GPC5: variants seen among roughly 807,000 people sequenced by gnomAD.
GPC5 encodes the protein glypican 5, also known as glypican-5.
GPC5 carries 47 observed loss-of-function variants against 53.9 expected under a neutral mutation model. The observed-to-expected ratio is 0.87, with a 90% CI of 0.69 to 1.11. The LOEUF (loss-of-function observed/expected upper bound fraction) is 1.11, where lower values mean the gene tolerates loss of function less well. GPC5 is among the 50% of genes most tolerant of loss of function. The probability of loss-of-function intolerance (pLI) is 0.00; values close to 1 mark genes in which losing one functional copy is unlikely to be tolerated. For synonymous variants in GPC5, 286 were observed against 263.3 expected (o/e 1.09, Z -0.84); for missense variants, 748 against 713.1 (o/e 1.05, Z -0.56).
At chr13:92,269,492 G>A (rs1371593912) in intron 7 of GPC5, among the ~76,000 whole-genome samples, 4 of 151,872 alleles carry the variant, frequency 2.6e-5, no homozygotes, top group South Asian at 4.2e-4. Flanking sequence ...TGCAACCTCC[G>A]CCTCCCGGGT....
intron 6 of GPC5, among the ~76,000 whole-genome samples, chr13:92,043,450 G>T (rs1157947171): frequency 6.6e-6 from 1 of 152,158 alleles, no homozygotes; most frequent in East Asian, 1.9e-4. Flanking sequence ...AAGAGTGATT[G>T]TAATGGGCCA....
chr13:92,593,349 G>A (rs1253473133), intron 7 of GPC5, among the ~76,000 whole-genome samples: 1 of 151,126 alleles, frequency 6.6e-6, no homozygotes, highest in East Asian at 1.9e-4. Flanking sequence ...AGATGCGTAT[G>A]TAAATTTTGA....
At chr13:91,615,157 T>C (rs1387001314) in intron 2 of GPC5, among the ~76,000 whole-genome samples, 1 of 152,174 alleles carries the variant, frequency 6.6e-6, no homozygotes, top group African/African-American at 2.4e-5. Context: ...AAGATAAAGG[T>C]TCAGTACAGC....
intron 7 of GPC5, among the ~76,000 whole-genome samples, chr13:92,693,480 G>T (rs1887472864): frequency 6.6e-6 from 1 of 152,132 alleles, no homozygotes; most frequent in Admixed American, 6.5e-5. Context: ...ACTGGAAACT[G>T]GAGTAAAGGT....
chr13:91,879,353 G>A lies in GPC5; in HGVS notation c.1281-28584G>A, dbSNP rs190642822. Among the ~76,000 whole-genome samples the A allele has an allele frequency of 2.6e-3, 391 of 152,090 alleles. 3 individuals are homozygous for A. The highest frequency in any genetic ancestry group is 8.9e-3 in the African/African-American group (369 of 41,486). On this transcript the variant is annotated intron_variant, in intron 5 of 7. Coordinates refer to ENST00000377067, the MANE Select transcript of GPC5 (RefSeq NM_004466.6). The stretch of plus-strand genomic sequence containing the variant: ...TATAACTACTTTGCTAAATTTTATC[G>A]GTCATGCATGTTAAATATCATTAAA...
chr13:91,923,947 C>T (rs2039742462), intron 6 of GPC5, among the ~76,000 whole-genome samples: 1 of 152,018 alleles, frequency 6.6e-6, no homozygotes, highest in Non-Finnish European at 1.5e-5. Context: ...TTCACTCTCT[C>T]CTAGTAACTT....
chr13:91,726,681 T>C (rs928524413), intron 3 of GPC5, among the ~76,000 whole-genome samples: 1 of 152,170 alleles, frequency 6.6e-6, no homozygotes, highest in African/African-American at 2.4e-5. Context: ...CTCTATCAAA[T>C]CCATATCCAA....
rs140323135 is a variant in GPC5 at position 91,917,748 on chromosome 13, C to A, written c.1401+9691C>A. 2.0e-4 allele frequency among the ~76,000 whole-genome samples: 30 copies of A among 152,318 alleles called. No individual in the cohort carries two copies. In the East Asian group the frequency reaches 5.0e-3, roughly 26 times the overall value. On this transcript the variant is annotated intron_variant, in intron 6 of 7. Transcript: ENST00000377067. ...GAATCACCTTTACTCCAGTTCCCAA[C>A]AAGTTCCTCATCTCCACATGAGACC...
intron 6 of GPC5, among the ~76,000 whole-genome samples, chr13:92,123,110 G>A (rs1484876635): frequency 6.6e-6 from 1 of 152,038 alleles, no homozygotes; most frequent in Non-Finnish European, 1.5e-5. Context: ...CATGATAGAA[G>A]TTATTGACAC....
At chr13:91,707,193 C>G (rs1293937036) in intron 3 of GPC5, among the ~76,000 whole-genome samples, 3 of 152,042 alleles carry the variant, frequency 2.0e-5, no homozygotes, top group African/African-American at 7.2e-5. Context: ...CATACACACT[C>G]TCCAAAGAAG....
chr13:91,872,768 C>T (rs968376368), intron 5 of GPC5, among the ~76,000 whole-genome samples: 9 of 152,020 alleles, frequency 5.9e-5, no homozygotes, highest in Non-Finnish European at 2.9e-5. Context: ...TTATATACAT[C>T]GTGCTTTATC....
In GPC5 at chr13:92,622,333, T is replaced by G. The variant is rs559267878; in HGVS notation, c.1562-243949T>G. ...CTGTTTCCCTCTTTAGGTTCAGGGA[T>G]GGTTATAGTTGCTCTGTTGCTCACA... On this transcript the variant is annotated intron_variant, in intron 7 of 7. Transcript: ENST00000377067. 1.7e-4 allele frequency among the ~76,000 whole-genome samples: 26 copies of G among 152,310 alleles called. No individual in the cohort carries two copies. In the South Asian group the frequency reaches 5.4e-3, roughly 32 times the overall value.
rs1348663 is a variant in GPC5, at chr13:91,649,181, G to A, written c.326-44006G>A. Among the ~76,000 whole-genome samples, 1,115 of 151,990 alleles carry A rather than the reference G, an allele frequency of 7.3e-3. 11 individuals are homozygous for A. Among genetic ancestry groups the A allele is most frequent in the African/African-American group, 0.025 (1,053 of 41,418 alleles). On this transcript the variant is annotated intron_variant, in intron 2 of 7. Transcript: ENST00000377067. Reference sequence around the variant, plus strand: ...TTAAGTTTCCTGAGACCTCCCCAGCGCTGTGGAACTGTGAATCAACTAAAC... The same window carrying A: ...TTAAGTTTCCTGAGACCTCCCCAGCACTGTGGAACTGTGAATCAACTAAAC...
intron 2 of GPC5, among the ~76,000 whole-genome samples, chr13:91,591,168 TG>T (rs1220138914): frequency 3.9e-5 from 6 of 152,210 alleles, no homozygotes; most frequent in South Asian, 4.1e-4. Flanking sequence ...ATTCTTCTAT[TG>T]CATCTAAGTA....
chr13:91,982,157 G>A (rs999637887), intron 6 of GPC5, among the ~76,000 whole-genome samples: 1 of 152,198 alleles, frequency 6.6e-6, no homozygotes, highest in South Asian at 2.1e-4. Context: ...GATTAGGGGA[G>A]CCATGGCCAG....
intron 7 of GPC5, among the ~76,000 whole-genome samples, chr13:92,331,714 A>G (rs1438861558): frequency 6.6e-6 from 1 of 151,744 alleles, no homozygotes; most frequent in Non-Finnish European, 1.5e-5. Context: ...AGAGCTGAAT[A>G]TCGGTTTTAC....
intron 3 of GPC5, among the ~76,000 whole-genome samples, chr13:91,718,034 G>A (rs1041645070): frequency 6.6e-6 from 1 of 152,154 alleles, no homozygotes; most frequent in Non-Finnish European, 1.5e-5. Flanking sequence ...ACTGATAAAT[G>A]AAATGGTCAA....
At chr13:92,587,891 GT>G (rs796393205) in intron 7 of GPC5, among the ~76,000 whole-genome samples, 37 of 147,250 alleles carry the variant, frequency 2.5e-4, no homozygotes, top group African/African-American at 6.0e-4. Context: ...GTTTTTTGGG[GT>G]TTTTTTTTTG....
chr13:92,838,480 G>GCC (rs201596388), intron 7 of GPC5, among the ~76,000 whole-genome samples: 6 of 137,016 alleles, frequency 4.4e-5, no homozygotes, highest in African/African-American at 1.8e-4. Context: ...GAGACTCCGC[G>GCC]CCCCCCCCAA....
Sources: allele counts gnomAD v4.1 joint callset (sites outside exome capture counted in the v4.1 genomes callset), GRCh38; gene constraint gnomAD v4.1.1; transcripts MANE v1.5; gene names NCBI Gene and HGNC (gene_info 2026-07-23, HGNC 2026-07-21).